PRIM2: variants seen among roughly 807,000 people sequenced by gnomAD.
The protein encoded by PRIM2 is DNA primase large subunit.
In PRIM2, 39 loss-of-function variants were observed where a neutral mutation model predicts 67.3. The ratio of observed to expected loss-of-function variants is 0.58; its 90% CI spans 0.45 to 0.76. The LOEUF (loss-of-function observed/expected upper bound fraction) is 0.76. Among genes scored for constraint, PRIM2 ranks in the 30% least tolerant of loss-of-function variants. The pLI is 0.00. For missense variants in PRIM2, 398 were observed against 598.7 expected (o/e 0.66, Z 3.50); for synonymous variants, 143 against 198.7 (o/e 0.72, Z 2.36).
chr6:57,571,754 T>C (rs1474407823), intron 10 of PRIM2, among the ~76,000 whole-genome samples: 1 of 152,192 alleles, frequency 6.6e-6, no homozygotes, highest in Non-Finnish European at 1.5e-5. Context: ...CCAAAATTTA[T>C]TTCTGAGGGT....
chr6:57,522,957 G>A (rs1393841826), intron 8 of PRIM2, among the ~76,000 whole-genome samples: 1 of 152,094 alleles, frequency 6.6e-6, no homozygotes, highest in Non-Finnish European at 1.5e-5. Flanking sequence ...CCAGATATCA[G>A]GTTATTCAAG....
At chr6:57,371,170 G>A (rs1395912542) in intron 5 of PRIM2, among the ~76,000 whole-genome samples, 1 of 150,002 alleles carries the variant, frequency 6.7e-6, no homozygotes, top group African/African-American at 2.5e-5. Flanking sequence ...TATTTCCAAG[G>A]CAGAAGACTA....
intron 10 of PRIM2, among the ~76,000 whole-genome samples, chr6:57,578,739 C>T (rs1776016599): frequency 6.9e-6 from 1 of 145,372 alleles, no homozygotes; most frequent in Non-Finnish European, 1.5e-5. Flanking sequence ...TGCAGTGGCG[C>T]GATCTCGGCT....
At chr6:57,562,513 TA>T (rs1366037536) in intron 10 of PRIM2, among the ~76,000 whole-genome samples, 3 of 152,198 alleles carry the variant, frequency 2.0e-5, no homozygotes, top group Non-Finnish European at 4.4e-5. Flanking sequence ...CAATAACTCC[TA>T]AGGGCATATT....
intron 5 of PRIM2, among the ~76,000 whole-genome samples, chr6:57,342,736 C>G (rs1768533315): frequency 1.3e-5 from 2 of 152,102 alleles, no homozygotes; most frequent in African/African-American, 4.8e-5. Flanking sequence ...ATTAAAAAGA[C>G]CTAGTGTTCA....
intron 5 of PRIM2, among the ~76,000 whole-genome samples, chr6:57,356,422 A>G (rs1326920052): frequency 6.6e-6 from 1 of 152,212 alleles, no homozygotes; most frequent in Non-Finnish European, 1.5e-5. Flanking sequence ...AGATTTGCAA[A>G]TGATAATGTA....
chr6:57,615,746 A>G (rs1238996503), intron 12 of PRIM2, among the ~76,000 whole-genome samples: 1 of 152,124 alleles, frequency 6.6e-6, no homozygotes, highest in Non-Finnish European at 1.5e-5. Flanking sequence ...AGTAATAAAA[A>G]TAACAGTTGT....
At chr6:57,413,672 A>G (rs1771163600) in intron 7 of PRIM2, among the ~76,000 whole-genome samples, 2 of 152,164 alleles carry the variant, frequency 1.3e-5, no homozygotes, top group African/African-American at 4.8e-5. Context: ...AAATTCTGAA[A>G]TATGAGACTT....
intron 10 of PRIM2, among the ~76,000 whole-genome samples, chr6:57,587,684 AAAAAAAAAAAG>A (rs1175878677): frequency 3.0e-4 from 45 of 150,110 alleles, no homozygotes; most frequent in African/African-American, 1.1e-3. Flanking sequence ...AAAAAAAAAA[AAAAAAAAAAAG>A]GCAGAACACA....
intron 5 of PRIM2, among the ~76,000 whole-genome samples, chr6:57,335,500 C>T (rs1215097436): frequency 6.6e-6 from 1 of 152,116 alleles, no homozygotes; most frequent in African/African-American, 2.4e-5. Flanking sequence ...TCTCCCAGCA[C>T]CCAGCTGGAG....
At chr6:57,346,011 G>T (rs1277803411) in intron 5 of PRIM2, among the ~76,000 whole-genome samples, 6 of 152,210 alleles carry the variant, frequency 3.9e-5, no homozygotes, top group Non-Finnish European at 7.4e-5. Flanking sequence ...GAGCAGTAAG[G>T]ATGACCAGAG....
At chr6:57,559,245 A>G (rs1182880619) in intron 10 of PRIM2, among the ~76,000 whole-genome samples, 1 of 152,046 alleles carries the variant, frequency 6.6e-6, no homozygotes. Context: ...AATTTTTGGT[A>G]GCATGCTTAA....
the PRIM2 span, among the ~76,000 whole-genome samples, chr6:57,301,693 T>G: frequency 6.6e-6 from 1 of 152,174 alleles, no homozygotes; most frequent in Non-Finnish European, 1.5e-5. Context: ...GGTGCATGCC[T>G]GTAATGCTAG....
chr6:57,553,553 C>CTTTAAAGGTGGACTTATT, intron 10 of PRIM2, among the ~76,000 whole-genome samples: 1 of 152,176 alleles, frequency 6.6e-6, no homozygotes, highest in South Asian at 2.1e-4. Context: ...TTTTTTCTGT[C>CTTTAAAGGTGGACTTATT]TTTAAAGGTG....
At chr6:57,459,580 G>A (rs1356790516) in intron 7 of PRIM2, among the ~76,000 whole-genome samples, 1 of 152,086 alleles carries the variant, frequency 6.6e-6, no homozygotes, top group Non-Finnish European at 1.5e-5. Context: ...AAATGGGAGG[G>A]CTGAAGTCTG....
chr6:57,389,160 A>T (rs904741090), intron 7 of PRIM2, among the ~76,000 whole-genome samples: 3 of 152,098 alleles, frequency 2.0e-5, no homozygotes, highest in Non-Finnish European at 4.4e-5. Flanking sequence ...GCTGGAGTGC[A>T]GTGGTGCAAT....
intron 10 of PRIM2, among the ~76,000 whole-genome samples, chr6:57,543,424 A>G (rs1197407487): frequency 2.6e-5 from 4 of 152,268 alleles, no homozygotes; most frequent in East Asian, 1.9e-4. Flanking sequence ...TTTCTGTACT[A>G]TTGTTTCCCA....
intron 12 of PRIM2, among the ~76,000 whole-genome samples, chr6:57,630,330 G>A (rs1777019754): frequency 6.6e-6 from 1 of 152,068 alleles, no homozygotes; most frequent in East Asian, 1.9e-4. Context: ...TTAAGGAAGA[G>A]CCCTCTCTGC....
In PRIM2 at chr6:57,320,566, TA is replaced by T; in HGVS notation, c.258+12del. On this transcript the variant is annotated splice_region_variant and intron_variant, in intron 3 of 13. Coordinates refer to ENST00000615550, the MANE Select transcript of PRIM2 (RefSeq NM_000947.5). ...AGCTCAAGTTTTCCTACAGAGTAAGTAAAAAAGGAAAAAAAAGTTCCTTCAG... is the reference window on the plus strand; with the variant it reads ...AGCTCAAGTTTTCCTACAGAGTAAGTAAAAAGGAAAAAAAAGTTCCTTCAG... 2.5e-6 allele frequency: 4 copies of T among 1,571,768 alleles called. No individual in the cohort carries two copies. Among genetic ancestry groups the T allele is most frequent in the Non-Finnish European group, 1.7e-6 (2 of 1,161,214 alleles).
Sources: allele counts gnomAD v4.1 joint callset (sites outside exome capture counted in the v4.1 genomes callset), GRCh38; gene constraint gnomAD v4.1.1; transcripts MANE v1.5; gene names NCBI Gene and HGNC (gene_info 2026-07-23, HGNC 2026-07-21).